The following SPAG16 variants were observed in gnomAD, a reference collection of about 807,000 sequenced individuals.
SPAG16 encodes the protein sperm associated antigen 16.
SPAG16 carries 86 observed loss-of-function variants against 80.4 expected under a neutral mutation model. The observed-to-expected ratio is 1.07, with a 90% CI of 0.90 to 1.28. SPAG16 has a LOEUF of 1.28. Among genes scored for constraint, SPAG16 ranks in the 50% most tolerant of loss-of-function variants. The probability of loss-of-function intolerance (pLI) is 0.00; values close to 1 mark genes in which losing one functional copy is unlikely to be tolerated. For missense variants in SPAG16, 870 were observed against 765.3 expected (o/e 1.14, Z -1.61); for synonymous variants, 294 against 265.9 (o/e 1.11, Z -1.03).
intron 10 of SPAG16, among the ~76,000 whole-genome samples, chr2:213,557,827 A>G (rs542839833): frequency 1.1e-4 from 17 of 152,236 alleles, no homozygotes; most frequent in Admixed American, 2.0e-4. Context: ...AATCCTATCA[A>G]ATTAATTTTC....
intron 9 of SPAG16, among the ~76,000 whole-genome samples, chr2:213,382,933 A>G (rs2067246111): frequency 6.6e-6 from 1 of 152,172 alleles, no homozygotes; most frequent in African/African-American, 2.4e-5. Flanking sequence ...TGGATTAACT[A>G]CCATCACAGA....
chr2:214,166,443 G>A (rs1460503788), intron 15 of SPAG16, among the ~76,000 whole-genome samples: 1 of 152,116 alleles, frequency 6.6e-6, no homozygotes, highest in African/African-American at 2.4e-5. Flanking sequence ...TTGCACAGTG[G>A]CTGCATTACT....
intron 10 of SPAG16, among the ~76,000 whole-genome samples, chr2:213,743,925 C>T (rs1472088659): frequency 6.6e-6 from 1 of 152,106 alleles, no homozygotes; most frequent in African/African-American, 2.4e-5. Flanking sequence ...GATTTTTCAT[C>T]TCTGCTTCTG....
At chr2:213,453,312 A>T (rs1395006832) in intron 9 of SPAG16, among the ~76,000 whole-genome samples, 2 of 152,206 alleles carry the variant, frequency 1.3e-5, no homozygotes, top group Non-Finnish European at 2.9e-5. Flanking sequence ...AAGTCAATGA[A>T]TATAAAGTGG....
chr2:213,334,787 G>C (rs1370798580), intron 5 of SPAG16, among the ~76,000 whole-genome samples: 1 of 152,112 alleles, frequency 6.6e-6, no homozygotes, highest in Non-Finnish European at 1.5e-5. Context: ...AGAGTAGAAG[G>C]ATGGTTGCCA....
At chr2:213,305,404 T>C (rs1441535178) in intron 3 of SPAG16, among the ~76,000 whole-genome samples, 1 of 152,118 alleles carries the variant, frequency 6.6e-6, no homozygotes, top group Non-Finnish European at 1.5e-5. Context: ...TGAATAATAG[T>C]GGTGACGATG....
intron 10 of SPAG16, among the ~76,000 whole-genome samples, chr2:213,778,316 T>C (rs2069728036): frequency 6.6e-6 from 1 of 152,136 alleles, no homozygotes; most frequent in Non-Finnish European, 1.5e-5. Flanking sequence ...TTTGACACTA[T>C]TTTGAGAATT....
At chr2:213,780,305 A>C (rs939020176) in intron 10 of SPAG16, among the ~76,000 whole-genome samples, 3 of 152,006 alleles carry the variant, frequency 2.0e-5, no homozygotes, top group African/African-American at 7.2e-5. Context: ...AAATTAACCT[A>C]CCCTTAAGGG....
chr2:214,000,385 C>A (rs942205992), intron 12 of SPAG16, among the ~76,000 whole-genome samples: 2 of 152,120 alleles, frequency 1.3e-5, no homozygotes, highest in Non-Finnish European at 2.9e-5. Context: ...GGCTCCCCTA[C>A]CATATGGAAC....
intron 10 of SPAG16, among the ~76,000 whole-genome samples, chr2:213,686,435 C>A (rs2064677560): frequency 6.6e-6 from 1 of 151,814 alleles, no homozygotes; most frequent in Non-Finnish European, 1.5e-5. Flanking sequence ...TTTTAATATT[C>A]CTTTCTCTGA....
intron 10 of SPAG16, among the ~76,000 whole-genome samples, chr2:213,546,649 A>C (rs888467083): frequency 8.5e-5 from 13 of 152,184 alleles, no homozygotes; most frequent in Admixed American, 6.5e-4. Flanking sequence ...AAAACATAGG[A>C]GATATGACAG....
At chr2:214,106,860 A>T (rs1455213480) in intron 13 of SPAG16, among the ~76,000 whole-genome samples, 3 of 152,050 alleles carry the variant, frequency 2.0e-5, no homozygotes, top group African/African-American at 4.8e-5. Context: ...GCAAACATCT[A>T]CTTGGAGACA....
chr2:213,511,390 G>C (rs1339426980), intron 10 of SPAG16, among the ~76,000 whole-genome samples: 1 of 152,070 alleles, frequency 6.6e-6, no homozygotes, highest in East Asian at 1.9e-4. Context: ...TGGAAAAAAT[G>C]TATAGTTAAA....
At chr2:213,818,050 C>T (rs2072674714) in intron 10 of SPAG16, among the ~76,000 whole-genome samples, 1 of 152,112 alleles carries the variant, frequency 6.6e-6, no homozygotes, top group Admixed American at 6.6e-5. Flanking sequence ...CTTGTTTCTT[C>T]CCCATCCCCA....
At chr2:213,404,817 C>G (rs1024414954) in intron 9 of SPAG16, among the ~76,000 whole-genome samples, 2 of 151,930 alleles carry the variant, frequency 1.3e-5, no homozygotes, top group African/African-American at 2.4e-5. Flanking sequence ...TGTTTTACTT[C>G]TAAAGGTCAT....
At position 214,254,192 on chromosome 2, in the gene SPAG16, T is replaced by C. The variant is rs185156339; in HGVS notation, c.1720+104926T>C. Among the ~76,000 whole-genome samples the C allele has an allele frequency of 8.4e-3, 1,274 of 152,234 alleles. 15 individuals are homozygous for C. The highest frequency in any genetic ancestry group is 0.029 in the African/African-American group (1,220 of 41,564). ...AGCTTAAGTCGATTTTGGGCTGAGATGATGTGATTTTCTAAATATACAATC... is the reference window on the plus strand; with the variant it reads ...AGCTTAAGTCGATTTTGGGCTGAGACGATGTGATTTTCTAAATATACAATC... On this transcript the variant is annotated intron_variant, in intron 15 of 15. Transcript: ENST00000331683.
chr2:214,362,706 A>G lies in SPAG16; in HGVS notation c.1721-47434A>G, dbSNP rs1183889805. Among the ~76,000 whole-genome samples, 4 of 152,032 alleles carry G rather than the reference A, an allele frequency of 2.6e-5. No homozygotes were observed. In the South Asian group the frequency reaches 8.3e-4, roughly 32 times the overall value. ...TTATATCAGTTCCTCTTGAAATTGCAATTCACCAAGCATAGTTCCAAGTTC... is the reference window on the plus strand; with the variant it reads ...TTATATCAGTTCCTCTTGAAATTGCGATTCACCAAGCATAGTTCCAAGTTC... On this transcript the variant is annotated intron_variant, in intron 15 of 15. Transcript: ENST00000331683.
At chr2:213,322,482 C>T (rs1278835130) in intron 5 of SPAG16, among the ~76,000 whole-genome samples, 1 of 151,934 alleles carries the variant, frequency 6.6e-6, no homozygotes, top group Non-Finnish European at 1.5e-5. Context: ...TGTTTGACAC[C>T]CAAATTTAGC....
At chr2:213,597,306 C>T (rs1298695981) in intron 10 of SPAG16, among the ~76,000 whole-genome samples, 1 of 152,124 alleles carries the variant, frequency 6.6e-6, no homozygotes, top group East Asian at 1.9e-4. Flanking sequence ...CATTCCAGAA[C>T]TTTCTTCTCA....
Sources: gnomAD v4.1 joint callset for allele counts (sites outside exome capture counted in the v4.1 genomes callset) on GRCh38, gnomAD v4.1.1 for gene constraint, MANE v1.5 for transcripts, NCBI Gene and HGNC (gene_info 2026-07-23, HGNC 2026-07-21) for gene names.